Variants in PPP2R2B observed in about 807,000 individuals in gnomAD.
PPP2R2B encodes serine/threonine-protein phosphatase 2A 55 kDa regulatory subunit B beta isoform.
PPP2R2B carries 5 observed loss-of-function variants against 46.0 expected under a neutral mutation model. That is an observed-to-expected ratio of 0.11 (90% CI 0.06 to 0.23). The LOEUF (loss-of-function observed/expected upper bound fraction) is 0.23. PPP2R2B is among the 10% of genes least tolerant of loss of function. The pLI, the probability that PPP2R2B is intolerant of heterozygous loss-of-function variation, is 1.00. For missense variants in PPP2R2B, 367 were observed against 575.0 expected, an observed-to-expected ratio of 0.64 and a Z score of 3.70; for synonymous variants, 215 against 206.7, an observed-to-expected ratio of 1.04 and a Z score of -0.34.
Position 146,872,247 on chromosome 5 carries a change from C to T in PPP2R2B, c.70+5755G>A, listed in dbSNP as rs895988652. 2.0e-5 allele frequency among the ~76,000 whole-genome samples: 3 copies of T among 152,310 alleles called. No individual in the cohort carries two copies. The East Asian group carries it at 5.8e-4, about 29-fold the overall frequency. ...ACTTGCTAGTGATTTTCAATGCATT[C>T]TGGTTATTATGTTTAGTAGCAGAAC... On this transcript the variant is annotated intron_variant, in intron 2 of 9. Transcript: ENST00000394411.
rs371368268 is a variant in PPP2R2B at position 147,062,208 on chromosome 5, G to A, written c.50+18851C>T. Among the ~76,000 whole-genome samples the A allele has an allele frequency of 2.6e-5, 4 of 152,198 alleles. No homozygotes were observed. The East Asian group carries it at 5.8e-4, about 22-fold the overall frequency. ...ACTCAGGACCATGACATTCAGGACTGTACAGCCTTGTAGCCTAGGAGCAAT... is the reference window on the plus strand; with the variant it reads ...ACTCAGGACCATGACATTCAGGACTATACAGCCTTGTAGCCTAGGAGCAAT... On this transcript the variant is annotated intron_variant, in intron 2 of 10. Transcript: ENST00000394413.
intron 2 of PPP2R2B, among the ~76,000 whole-genome samples, chr5:146,744,014 G>A (rs1273788519): frequency 1.3e-5 from 2 of 152,166 alleles, no homozygotes; most frequent in African/African-American, 4.8e-5. Context: ...TAAGCCAAGT[G>A]TAGATTTATT....
chr5:146,700,909 T>C, intron 3 of PPP2R2B, 136 bp downstream of exon 3: 1 of 757,294 alleles, frequency 1.3e-6, no homozygotes, highest in South Asian at 1.6e-5. Flanking sequence ...ACAGTTGATG[T>C]TAATGACTTT....
chr5:146,945,623 G>A (rs1764455609), intron 1 of PPP2R2B, among the ~76,000 whole-genome samples: 1 of 152,170 alleles, frequency 6.6e-6, no homozygotes, highest in South Asian at 2.1e-4. Flanking sequence ...TGCCCAGGGT[G>A]CACCCACTGG....
chr5:146,684,502 C>T (rs1778369574), intron 5 of PPP2R2B, among the ~76,000 whole-genome samples: 1 of 152,190 alleles, frequency 6.6e-6, no homozygotes, highest in African/African-American at 2.4e-5. Context: ...TGATTAGATA[C>T]CTGGCCCCTC....
chr5:147,001,599 A>C (rs1754180195), intron 1 of PPP2R2B, among the ~76,000 whole-genome samples: 1 of 152,150 alleles, frequency 6.6e-6, no homozygotes, highest in African/African-American at 2.4e-5. Context: ...GAAGTCAGCG[A>C]GACCAAGAAC....
intron 7 of PPP2R2B, among the ~76,000 whole-genome samples, chr5:146,630,650 T>C (rs546491650): frequency 1.3e-5 from 2 of 152,324 alleles, no homozygotes; most frequent in South Asian, 4.1e-4. Flanking sequence ...CTTGGCTTAC[T>C]TCCTGGACAC....
chr5:146,937,892 G>T (rs1468519010), intron 1 of PPP2R2B, among the ~76,000 whole-genome samples: 1 of 152,088 alleles, frequency 6.6e-6, no homozygotes, highest in Non-Finnish European at 1.5e-5. Context: ...TGGTTTTTAT[G>T]CAGTGACCTT....
intron 1 of PPP2R2B, chr5:147,040,666 T>C (rs948217505): frequency 1.9e-5 from 8 of 422,398 alleles, no homozygotes; most frequent in African/African-American, 1.3e-4. Flanking sequence ...ACATATACCC[T>C]GGCCCTGAAT....
At chr5:146,975,108 T>G (rs1417373969) in intron 1 of PPP2R2B, among the ~76,000 whole-genome samples, 2 of 152,142 alleles carry the variant, frequency 1.3e-5, no homozygotes, top group African/African-American at 4.8e-5. Flanking sequence ...TCAACCAATC[T>G]CCAGGACTTT....
chr5:146,876,636 G>A (rs889755141), intron 2 of PPP2R2B, among the ~76,000 whole-genome samples: 1 of 152,156 alleles, frequency 6.6e-6, no homozygotes, highest in South Asian at 2.1e-4. Context: ...GCTCTGTATA[G>A]GGGAGGGATG....
At chr5:146,978,096 T>C (rs755537508) in intron 1 of PPP2R2B, among the ~76,000 whole-genome samples, 3 of 152,246 alleles carry the variant, frequency 2.0e-5, no homozygotes, top group African/African-American at 2.4e-5. Flanking sequence ...TACCTCATTC[T>C]GGTTTCGGTT....
chr5:146,767,043 C>A (rs1313697019), intron 2 of PPP2R2B, among the ~76,000 whole-genome samples: 9 of 56,832 alleles, frequency 1.6e-4, no homozygotes, highest in Non-Finnish European at 1.8e-4. Context: ...ATAGAAGTGT[C>A]TCAAAAAAAA....
At chr5:146,639,337 T>TC (rs200633880) in intron 6 of PPP2R2B, among the ~76,000 whole-genome samples, 2 of 152,334 alleles carry the variant, frequency 1.3e-5, no homozygotes, top group East Asian at 3.9e-4. Flanking sequence ...GGTTTTTTTT[T>TC]CTCAGTATTT....
chr5:147,002,611 G>T (rs913425337), intron 1 of PPP2R2B, among the ~76,000 whole-genome samples: 4 of 150,024 alleles, frequency 2.7e-5, no homozygotes, highest in African/African-American at 1.0e-4. Context: ...AGGTTTTCGA[G>T]AATGCATCAG....
chr5:147,012,598 T>G (rs1754795215), intron 1 of PPP2R2B, among the ~76,000 whole-genome samples: 2 of 152,124 alleles, frequency 1.3e-5, no homozygotes, highest in South Asian at 4.2e-4. Context: ...GCTCTGATCT[T>G]AGTTATTTCT....
chr5:146,843,973 G>A (rs1429375456), intron 2 of PPP2R2B, among the ~76,000 whole-genome samples: 1 of 151,796 alleles, frequency 6.6e-6, no homozygotes, highest in African/African-American at 2.4e-5. Context: ...CCCAGTAATG[G>A]GATGGCTGGG....
intron 7 of PPP2R2B, among the ~76,000 whole-genome samples, chr5:146,609,341 A>G (rs1295305366): frequency 1.3e-5 from 2 of 152,242 alleles, no homozygotes; most frequent in Non-Finnish European, 2.9e-5. Context: ...TAGTACTGAA[A>G]GTCCTAGATA....
At chr5:146,591,109 C>A (rs1284186300) in intron 9 of PPP2R2B, among the ~76,000 whole-genome samples, 1 of 151,972 alleles carries the variant, frequency 6.6e-6, no homozygotes, top group Non-Finnish European at 1.5e-5. Context: ...TGGGCCAGGG[C>A]AAGTACCCCA....
Sources: allele counts gnomAD v4.1 joint callset (sites outside exome capture counted in the v4.1 genomes callset), GRCh38; gene constraint gnomAD v4.1.1; transcripts MANE v1.5; gene names NCBI Gene and HGNC (gene_info 2026-07-23, HGNC 2026-07-21).